Variants in IGBP1C observed in about 807,000 individuals in gnomAD.
IGBP1C encodes IGBP1 family member C.
At chr17:58,685,382 G>C in the IGBP1C span, among the ~76,000 whole-genome samples, 1 of 150,172 alleles carries the variant, frequency 6.7e-6, no homozygotes, top group East Asian at 2.0e-4. Flanking sequence ...GTTGCAGTGA[G>C]CCGAGATCAC....
chr17:58,673,045 T>C, the IGBP1C span, among the ~76,000 whole-genome samples: 1 of 152,080 alleles, frequency 6.6e-6, no homozygotes, highest in Admixed American at 6.6e-5. Context: ...ATTCCTTTTA[T>C]ACATACTTTT....
At chr17:58,675,864 T>G in the IGBP1C span, among the ~76,000 whole-genome samples, 1 of 152,222 alleles carries the variant, frequency 6.6e-6, no homozygotes, top group African/African-American at 2.4e-5. Context: ...GTACGGTGAT[T>G]ACAAGCACGA....
At chr17:58,664,780 A>G in the IGBP1C span, among the ~76,000 whole-genome samples, 1 of 152,204 alleles carries the variant, frequency 6.6e-6, no homozygotes, top group Admixed American at 6.5e-5. Flanking sequence ...AAAGATGAAT[A>G]TATTATTATA....
chr17:58,668,817 C>T, the IGBP1C span, among the ~76,000 whole-genome samples: 1 of 152,142 alleles, frequency 6.6e-6, no homozygotes, highest in Non-Finnish European at 1.5e-5. Flanking sequence ...GCTCTAGTCA[C>T]CCACCCTAAC....
the IGBP1C span, among the ~76,000 whole-genome samples, chr17:58,686,300 CA>C: frequency 6.6e-6 from 1 of 152,002 alleles, no homozygotes; most frequent in Admixed American, 6.6e-5. Flanking sequence ...TATGATTATG[CA>C]GAGTGAAAGG....
At chr17:58,666,659 A>C in the IGBP1C span, 1 of 152,018 alleles carries the variant, frequency 6.6e-6, no homozygotes, top group Non-Finnish European at 1.5e-5. Flanking sequence ...GGGAAAAACC[A>C]CCTCCATAAT....
chr17:58,667,277 C>T, the IGBP1C span, among the ~76,000 whole-genome samples: 2 of 152,140 alleles, frequency 1.3e-5, no homozygotes, highest in African/African-American at 4.8e-5. Context: ...TGCAATATAG[C>T]GTTCACAATG....
the IGBP1C span, among the ~76,000 whole-genome samples, chr17:58,683,504 T>C: frequency 1.3e-5 from 2 of 152,170 alleles, no homozygotes; most frequent in African/African-American, 4.8e-5. Context: ...GGTTTACGCC[T>C]GTAATCCCAG....
chr17:58,667,150 G>A, the IGBP1C span, among the ~76,000 whole-genome samples: 1 of 152,152 alleles, frequency 6.6e-6, no homozygotes, highest in African/African-American at 2.4e-5. Flanking sequence ...TTTTAGTCAC[G>A]GGATACCCAC....
At chr17:58,684,906 A>G in the IGBP1C span, among the ~76,000 whole-genome samples, 1 of 152,044 alleles carries the variant, frequency 6.6e-6, no homozygotes, top group Non-Finnish European at 1.5e-5. Context: ...AACCCTCAAG[A>G]CAGAGGTTGC....
chr17:58,663,615 C>T, the IGBP1C span, among the ~76,000 whole-genome samples: 1 of 151,890 alleles, frequency 6.6e-6, no homozygotes, highest in Non-Finnish European at 1.5e-5. Flanking sequence ...TACAGGGATG[C>T]ACCACCACGC....
the IGBP1C span, among the ~76,000 whole-genome samples, chr17:58,681,615 C>T: frequency 6.6e-6 from 1 of 151,628 alleles, no homozygotes; most frequent in Admixed American, 6.6e-5. Flanking sequence ...TGTGGGAGGC[C>T]GAGGCAGGTG....
the IGBP1C span, among the ~76,000 whole-genome samples, chr17:58,672,552 G>C: frequency 2.0e-5 from 3 of 152,158 alleles, no homozygotes; most frequent in African/African-American, 7.2e-5. Flanking sequence ...TCTTGCCTCA[G>C]CCTCCCGAGT....
chr17:58,662,060 G>C, the IGBP1C span, among the ~76,000 whole-genome samples: 11 of 151,912 alleles, frequency 7.2e-5, no homozygotes, highest in African/African-American at 4.8e-5. Context: ...GTAACAAACC[G>C]AGTGTTCCTG....
the IGBP1C span, among the ~76,000 whole-genome samples, chr17:58,684,682 A>AAAT: frequency 6.7e-6 from 1 of 149,256 alleles, no homozygotes; most frequent in Admixed American, 6.8e-5. Context: ...AATAAATAAA[A>AAAT]AGCTTTCTTC....
the IGBP1C span, among the ~76,000 whole-genome samples, chr17:58,676,046 C>T: frequency 6.6e-6 from 1 of 152,074 alleles, no homozygotes; most frequent in South Asian, 2.1e-4. Context: ...TCGAGACCAG[C>T]CTGACCAACA....
chr17:58,680,494 C>A, the IGBP1C span, among the ~76,000 whole-genome samples: 1 of 152,150 alleles, frequency 6.6e-6, no homozygotes, highest in Non-Finnish European at 1.5e-5. Context: ...GTAATCCCAG[C>A]CCTTTGGGAG....
At chr17:58,678,525 G>A in the IGBP1C span, among the ~76,000 whole-genome samples, 5 of 152,188 alleles carry the variant, frequency 3.3e-5, no homozygotes, top group Admixed American at 3.3e-4. Flanking sequence ...GTCCTTTGTA[G>A]GGACATGGAT....
the IGBP1C span, among the ~76,000 whole-genome samples, chr17:58,686,088 C>A: frequency 1.9e-4 from 29 of 151,340 alleles, no homozygotes; most frequent in African/African-American, 7.0e-4. Context: ...TGGTGGCTCG[C>A]ACCTGTAATC....
Sources: allele counts gnomAD v4.1 joint callset (sites outside exome capture counted in the v4.1 genomes callset), GRCh38; gene constraint gnomAD v4.1.1; transcripts MANE v1.5; gene names NCBI Gene and HGNC (gene_info 2026-07-23, HGNC 2026-07-21).